Variants in CMIP observed in about 807,000 individuals in gnomAD.
CMIP encodes C-Maf-inducing protein.
CMIP carries 13 observed loss-of-function variants against 97.3 expected under a neutral mutation model. The observed-to-expected ratio is 0.13, with a 90% CI of 0.09 to 0.21. CMIP has a LOEUF of 0.21. Ranked by LOEUF, CMIP falls within the 10% of genes least tolerant of loss-of-function variation. The probability of loss-of-function intolerance (pLI) is 1.00; values close to 1 mark genes in which losing one functional copy is unlikely to be tolerated. For missense variants in CMIP, 847 were observed against 1,024.9 expected (o/e 0.83, Z 2.37); for synonymous variants, 538 against 436.3 (o/e 1.23, Z -2.91).
At chr16:81,576,291 C>G (rs2150896990) in intron 1 of CMIP, among the ~76,000 whole-genome samples, 1 of 152,214 alleles carries the variant, frequency 6.6e-6, no homozygotes, top group Non-Finnish European at 1.5e-5. Context: ...GTAATCCTAG[C>G]TACTCGGGAG....
At chr16:81,639,775 C>G (rs763748024) in intron 3 of CMIP, among the ~76,000 whole-genome samples, 2 of 152,176 alleles carry the variant, frequency 1.3e-5, no homozygotes, top group Non-Finnish European at 2.9e-5. Context: ...GTTCTGCCTG[C>G]CCCCAACACC....
At chr16:81,611,667 C>T (rs574939636) in intron 2 of CMIP, among the ~76,000 whole-genome samples, 1 of 152,276 alleles carries the variant, frequency 6.6e-6, no homozygotes, top group South Asian at 2.1e-4. Flanking sequence ...CCAGGCCTCT[C>T]ACCACCTCTG....
chr16:81,542,420 G>A (rs920877489), intron 1 of CMIP, among the ~76,000 whole-genome samples: 7 of 152,188 alleles, frequency 4.6e-5, no homozygotes, highest in Non-Finnish European at 1.5e-5. Flanking sequence ...CATGGCGTAG[G>A]TTGGGAGATT....
chr16:81,604,998 A>G (rs2091718365), intron 1 of CMIP, among the ~76,000 whole-genome samples: 1 of 152,226 alleles, frequency 6.6e-6, no homozygotes, highest in African/African-American at 2.4e-5. Flanking sequence ...TCCTGTTCCC[A>G]CAGTATATAA....
At chr16:81,570,612 G>A (rs2091070785) in intron 1 of CMIP, among the ~76,000 whole-genome samples, 1 of 152,156 alleles carries the variant, frequency 6.6e-6, no homozygotes, top group South Asian at 2.1e-4. Flanking sequence ...TCTTCCTGGA[G>A]GCCCCAGCAG....
intron 1 of CMIP, among the ~76,000 whole-genome samples, chr16:81,559,260 A>G (rs1460892436): frequency 2.0e-5 from 3 of 152,214 alleles, no homozygotes; most frequent in African/African-American, 7.2e-5. Flanking sequence ...TTGGGGTAAG[A>G]GTGACCCCCA....
chr16:81,682,200 T>C (rs188255903), intron 10 of CMIP, among the ~76,000 whole-genome samples: 3 of 151,502 alleles, frequency 2.0e-5, no homozygotes, highest in Admixed American at 2.0e-4. Flanking sequence ...CAAGACTCCA[T>C]CTCAATAATA....
In CMIP at chr16:81,710,539, GA is replaced by G. The variant is rs200217062; in HGVS notation, c.*751del. The stretch of plus-strand genomic sequence containing the variant: ...GGAAACAAACAGACAACAAAAAGAA[GA>G]AAAAAAAAAAGAACCTCCTTGGAAA... On this transcript the variant is annotated 3_prime_UTR_variant, in exon 21 of 21. Transcript: ENST00000537098. 0.088 allele frequency: 12,378 copies of G among 140,508 alleles called. 567 individuals carry two copies. Among genetic ancestry groups the G allele is most frequent in the East Asian group, 0.17 (782 of 4,612 alleles). The allele number at this position is 140,508 out of a possible 1,614,324, so 8.7% of individuals were successfully genotyped here. A position where few individuals can be genotyped will look rare whatever the true frequency, so the allele number is the denominator to read the frequency against.
At position 81,627,368 on chromosome 16, in the gene CMIP, C is replaced by CTCACG. The variant is rs766829678; in HGVS notation, c.477+6443_477+6444insCACGT. On this transcript the variant is annotated intron_variant, in intron 3 of 20. Coordinates refer to ENST00000537098, the MANE Select transcript of CMIP (RefSeq NM_198390.3). The surrounding 1 kb of genome is among the most constrained non-coding windows in gnomAD (Gnocchi z 4.6). ...CACTGGGCCGTGTGAGGATCGAAGG[C>CTCACG]TGTGTTGTTTGTGCAGCAGGCAGAA... Among the ~76,000 whole-genome samples the CTCACG allele has an allele frequency of 1.1e-4, 16 of 151,944 alleles. No homozygotes were observed. Among genetic ancestry groups the CTCACG allele is most frequent in the Non-Finnish European group, 1.6e-4 (11 of 67,964 alleles).
At chr16:81,557,327 A>G (rs2090783630) in intron 1 of CMIP, among the ~76,000 whole-genome samples, 1 of 146,728 alleles carries the variant, frequency 6.8e-6, no homozygotes, top group African/African-American at 2.4e-5. Flanking sequence ...GGTTGAATTT[A>G]CTGATGTTGG....
chr16:81,628,865 A>G (rs777436148), intron 3 of CMIP, among the ~76,000 whole-genome samples: 20 of 151,986 alleles, frequency 1.3e-4, no homozygotes, highest in Non-Finnish European at 2.4e-4. Context: ...GCTGCGCGTG[A>G]TGGCTCATAC....
At chr16:81,572,217 C>T (rs1323797913) in intron 1 of CMIP, among the ~76,000 whole-genome samples, 1 of 152,248 alleles carries the variant, frequency 6.6e-6, no homozygotes, top group East Asian at 1.9e-4. Flanking sequence ...TGATTTCTGG[C>T]AACTGCCTCA....
intron 1 of CMIP, among the ~76,000 whole-genome samples, chr16:81,540,993 T>A (rs2150838881): frequency 6.6e-6 from 1 of 151,914 alleles, no homozygotes; most frequent in South Asian, 2.1e-4. Context: ...TTTTTTTTTT[T>A]AAGTTGCATA....
rs1905729612 is a variant in CMIP, at chr16:81,444,923, G to A, written c.-319G>A. On this transcript the variant is annotated 5_prime_UTR_variant, in exon 1 of 21. Transcript: ENST00000537098. Reference sequence around the variant, plus strand: ...GCCCCCACCCCGGCGCCCGCCCTCCGCGCCTGGCCCCGGCCCGCCCTCGGC... The same window carrying A: ...GCCCCCACCCCGGCGCCCGCCCTCCACGCCTGGCCCCGGCCCGCCCTCGGC... Among the ~76,000 whole-genome samples, 1 of 36,270 alleles carries A rather than the reference G, an allele frequency of 2.8e-5. No individual in the cohort carries two copies. Among genetic ancestry groups the A allele is most frequent in the Non-Finnish European group, 5.1e-5 (1 of 19,582 alleles). The allele number at this position is 36,270 out of a possible 152,430, so 23.8% of individuals were successfully genotyped here.
At chr16:81,527,163 G>T (rs552099618) in intron 1 of CMIP, among the ~76,000 whole-genome samples, 18 of 152,362 alleles carry the variant, frequency 1.2e-4, no homozygotes, top group African/African-American at 4.3e-4. Flanking sequence ...CTCAAAGTGT[G>T]TCAGGAAAGG....
In CMIP at chr16:81,459,607, A is replaced by G. The variant is rs12325577; in HGVS notation, c.300+14066A>G. Among the ~76,000 whole-genome samples, 1,489 of 152,266 alleles carry G rather than the reference A, an allele frequency of 9.8e-3. 32 individuals are homozygous for G. The highest frequency in any genetic ancestry group is 0.034 in the African/African-American group (1,408 of 41,534). On this transcript the variant is annotated intron_variant, in intron 1 of 20. Coordinates refer to ENST00000537098, the MANE Select transcript of CMIP (RefSeq NM_198390.3). ...AAATATGATTTAAAAACAGAATTGA[A>G]AGTCGCTTTTATTTTCTAAACGATA...
chr16:81,686,483 G>A (rs1451039238), intron 10 of CMIP, among the ~76,000 whole-genome samples: 3 of 152,156 alleles, frequency 2.0e-5, no homozygotes, highest in African/African-American at 7.2e-5. Context: ...CTTCCTCACC[G>A]GCACCCTCTG....
Position 81,655,792 on chromosome 16 carries a change from A to C in CMIP, c.640-1983A>C, listed in dbSNP as rs913206950. Among the ~76,000 whole-genome samples, 62 of 152,328 alleles carry C rather than the reference A, an allele frequency of 4.1e-4. No homozygotes were observed. The highest frequency in any genetic ancestry group is 1.4e-3 in the African/African-American group (60 of 41,584). ...ACAGACGGGTTCATATCCTCACTGC[A>C]GCCCCTATTACCCTGCGCCTGCTAG... On this transcript the variant is annotated intron_variant, in intron 4 of 20. Transcript: ENST00000537098. The surrounding 1 kb of genome is among the most constrained non-coding windows in gnomAD (Gnocchi z 4.9).
At chr16:81,709,698 G>T (rs761955984) in intron 20 of CMIP, 48 bp from the exon 21 acceptor site, 2 of 1,608,308 alleles carry the variant, frequency 1.2e-6, no homozygotes, top group South Asian at 2.2e-5. Flanking sequence ...GGCAGCTTCT[G>T]CAAGGGAATG....
Sources: gnomAD v4.1 joint callset for allele counts (sites outside exome capture counted in the v4.1 genomes callset) on GRCh38, gnomAD v4.1.1 for gene constraint, Gnocchi (gnomAD v3.1) non-coding constraint, MANE v1.5 for transcripts, NCBI Gene and HGNC (gene_info 2026-07-23, HGNC 2026-07-21) for gene names.